RND1: variants seen among roughly 807,000 people sequenced by gnomAD.
RND1 encodes the protein Rho family GTPase 1.
A neutral mutation model predicts 27.1 loss-of-function variants in RND1; 9 were observed. That is an observed-to-expected ratio of 0.33 (90% CI 0.20 to 0.58). The LOEUF (loss-of-function observed/expected upper bound fraction) is 0.58, where lower values mean the gene tolerates loss of function less well. Ranked by LOEUF, RND1 falls within the 20% of genes least tolerant of loss-of-function variation. RND1 has a pLI of 0.86. For missense variants in RND1, 253 were observed against 292.2 expected, an observed-to-expected ratio of 0.87 and a Z score of 0.98; for synonymous variants, 108 against 115.7, an observed-to-expected ratio of 0.93 and a Z score of 0.43.
intron 4 of RND1, among the ~76,000 whole-genome samples, chr12:48,859,504 C>T (rs998721162): frequency 2.0e-5 from 3 of 152,100 alleles, no homozygotes; most frequent in Non-Finnish European, 4.4e-5. Context: ...CGCACCACTG[C>T]ACTCCAGCCT....
At chr12:48,864,414 T>C (rs111668707) in intron 2 of RND1, among the ~76,000 whole-genome samples, 3,732 of 109,240 alleles carry the variant, frequency 0.034, 72 homozygotes, top group East Asian at 0.091. Flanking sequence ...TGTGTGTGTG[T>C]GTGCGCGCGC....
At chr12:48,859,479 G>A (rs932550311) in intron 4 of RND1, among the ~76,000 whole-genome samples, 3 of 152,078 alleles carry the variant, frequency 2.0e-5, no homozygotes, top group African/African-American at 7.2e-5. Context: ...GGCAGAGGTT[G>A]CAGTGAGCTG....
intron 2 of RND1, 51 bp downstream of exon 2, chr12:48,864,732 C>T (rs373769262): frequency 1.2e-5 from 16 of 1,302,696 alleles, no homozygotes; most frequent in African/African-American, 1.2e-4. Context: ...ACAGCAGCTA[C>T]ACAGCAGACC....
intron 2 of RND1, among the ~76,000 whole-genome samples, chr12:48,863,947 T>C (rs767237772): frequency 1.3e-5 from 2 of 152,032 alleles, no homozygotes; most frequent in Non-Finnish European, 2.9e-5. Context: ...AAAGAGATAA[T>C]GGGAAGGGGT....
chr12:48,858,387 TTC>T, intron 4 of RND1, 146 bp from the exon 5 acceptor site: 22 of 862,206 alleles, frequency 2.6e-5, no homozygotes, highest in African/African-American at 1.3e-4. Context: ...CGATTATCTT[TTC>T]TTTTTTTTTT....
At chr12:48,862,896 A>C (rs577368048) in intron 2 of RND1, among the ~76,000 whole-genome samples, 3 of 152,014 alleles carry the variant, frequency 2.0e-5, no homozygotes, top group African/African-American at 7.2e-5. Flanking sequence ...AACCCAGACA[A>C]TCCGTGCTCA....
At chr12:48,864,416 T>TGTGTGTGCGCGCGC (rs141121524) in intron 2 of RND1, among the ~76,000 whole-genome samples, 620 of 135,508 alleles carry the variant, frequency 4.6e-3, no homozygotes, top group African/African-American at 0.012. Flanking sequence ...TGTGTGTGTG[T>TGTGTGTGCGCGCGC]GCGCGCGCGC....
intron 4 of RND1, chr12:48,858,813 G>A (rs1337293918): frequency 6.8e-6 from 1 of 146,502 alleles, no homozygotes; most frequent in Non-Finnish European, 1.5e-5. Flanking sequence ...GTTCTGCACT[G>A]TAGTGAGCTA....
chr12:48,861,193 C>G, intron 3 of RND1, 62 bp from the exon 4 acceptor site: 1 of 1,530,566 alleles, frequency 6.5e-7, no homozygotes, highest in South Asian at 1.2e-5. Flanking sequence ...TAGTGGCAGA[C>G]AGATACCAGG....
At chr12:48,862,576 A>G (rs1030743668) in intron 2 of RND1, among the ~76,000 whole-genome samples, 2 of 152,118 alleles carry the variant, frequency 1.3e-5, no homozygotes, top group Non-Finnish European at 1.5e-5. Flanking sequence ...CTGCTTTTCC[A>G]TGGGGTCAGA....
intron 4 of RND1, 69 bp from the exon 5 acceptor site, chr12:48,858,310 A>G: frequency 6.4e-7 from 1 of 1,553,396 alleles, no homozygotes; most frequent in East Asian, 2.3e-5. Flanking sequence ...TCTGTGCGTC[A>G]CTCCCCAGGG....
In RND1 at chr12:48,857,970, G is replaced by A. The variant is rs766239990; in HGVS notation, c.*26C>T. 1 of 1,566,932 alleles carries A rather than the reference G, an allele frequency of 6.4e-7. No homozygotes were observed. The highest frequency in any genetic ancestry group is 8.6e-7 in the Non-Finnish European group (1 of 1,156,200). ...TGCACCCCAAGGGAGGAAGTAGGGGGTTGTCTCCCCCCTCCAATTTCCACT... is the reference window on the plus strand; with the variant it reads ...TGCACCCCAAGGGAGGAAGTAGGGGATTGTCTCCCCCCTCCAATTTCCACT... On this transcript the variant is annotated 3_prime_UTR_variant, in exon 5 of 5. Coordinates refer to ENST00000309739, the MANE Select transcript of RND1 (RefSeq NM_014470.4).
chr12:48,865,707 C>G lies in RND1; in HGVS notation c.61G>C (p.Asp21His), dbSNP rs1210398528. Residue 21 changes from aspartate (D) to histidine (H), a missense_variant, in exon 1 of 5, where the codon GAC becomes CAC. Asp to His is a moderately conservative substitution (Grantham distance 81, BLOSUM62 -1). Coordinates refer to ENST00000309739, the MANE Select transcript of RND1 (RefSeq NM_014470.4). ...VARCKLVLVG[D>H]VQCGKTAMLQ... Reference sequence around the variant, plus strand: ...ATCGCGGTCTTCCCACACTGCACGTCCCCGACCAGAACGAGCTTACATCTG... The same window carrying G: ...ATCGCGGTCTTCCCACACTGCACGTGCCCGACCAGAACGAGCTTACATCTG... 1 of 1,614,012 alleles carries G rather than the reference C, an allele frequency of 6.2e-7. No homozygotes were observed. The highest frequency in any genetic ancestry group is 1.1e-5 in the South Asian group (1 of 91,066).
chr12:48,865,557 G>A (rs1235926860), intron 1 of RND1, 91 bp downstream of exon 1: 8 of 1,440,232 alleles, frequency 5.6e-6, no homozygotes, highest in Non-Finnish European at 7.6e-6. Flanking sequence ...GGCTGGGGCT[G>A]GGGGAGCCAC....
chr12:48,859,997 T>C (rs2137507338), intron 4 of RND1, among the ~76,000 whole-genome samples: 1 of 152,054 alleles, frequency 6.6e-6, no homozygotes, highest in Non-Finnish European at 1.5e-5. Context: ...AGGCTGGTCT[T>C]GAACTCCTGA....
chr12:48,861,648 G>A (rs1938920374), intron 3 of RND1, among the ~76,000 whole-genome samples: 1 of 152,230 alleles, frequency 6.6e-6, no homozygotes, highest in Non-Finnish European at 1.5e-5. Context: ...CCCATTCTCA[G>A]TGGGACTGGG....
chr12:48,864,416 T>TGTGTGTGTGC (rs141121524), intron 2 of RND1, among the ~76,000 whole-genome samples: 16 of 135,560 alleles, frequency 1.2e-4, no homozygotes, highest in African/African-American at 4.3e-4. Flanking sequence ...TGTGTGTGTG[T>TGTGTGTGTGC]GCGCGCGCGC....
intron 3 of RND1, among the ~76,000 whole-genome samples, chr12:48,861,405 C>A (rs142840985): frequency 6.5e-4 from 99 of 152,328 alleles, no homozygotes; most frequent in African/African-American, 2.3e-3. Context: ...CAATTCTCCT[C>A]CCACTCTCTG....
intron 4 of RND1, chr12:48,858,620 C>T: frequency 5.8e-6 from 1 of 172,068 alleles, no homozygotes. Flanking sequence ...TCAAGACCAG[C>T]CTAGGTGGCC....
Sources: gnomAD v4.1 joint callset for allele counts (sites outside exome capture counted in the v4.1 genomes callset) on GRCh38, gnomAD v4.1.1 for gene constraint, MANE v1.5 for transcripts, NCBI Gene and HGNC (gene_info 2026-07-23, HGNC 2026-07-21) for gene names.